Variants in PTPN18 observed in about 807,000 individuals in gnomAD.
PTPN18 encodes the protein protein tyrosine phosphatase non-receptor type 18, also known as tyrosine-protein phosphatase non-receptor type 18.
A neutral mutation model predicts 65.4 loss-of-function variants in PTPN18; 65 were observed. The observed-to-expected ratio is 0.99, with a 90% CI of 0.81 to 1.22. The LOEUF (loss-of-function observed/expected upper bound fraction) is 1.22, where lower values mean the gene tolerates loss of function less well. Among genes scored for constraint, PTPN18 ranks in the 50% most tolerant of loss-of-function variants. PTPN18 has a pLI of 0.00. For missense variants in PTPN18, 616 were observed against 646.5 expected, an observed-to-expected ratio of 0.95 and a Z score of 0.51; for synonymous variants, 255 against 267.8, an observed-to-expected ratio of 0.95 and a Z score of 0.47.
At position 130,370,771 on chromosome 2, in the gene PTPN18, G is replaced by A. The variant is rs781172266; in HGVS notation, c.823G>A (p.Val275Met). ...GATGAGGAAGCAGCGGCCTGCGGCC[G>A]TGCAGACAGAGGTGAACCCTGGGTC... ...LKMRKQRPAA[V>M]QTEEQYRFLY... Residue 275 changes from valine (V) to methionine (M), a missense_variant, in exon 10 of 15, where the codon GTG becomes ATG. Physicochemically the swap from Val to Met is conservative, Grantham distance 21 (BLOSUM62 1). Transcript: ENST00000175756. 17 of 1,614,068 alleles carry A rather than the reference G, an allele frequency of 1.1e-5. No individual in the cohort carries two copies. Among genetic ancestry groups the A allele is most frequent in the Middle Eastern group, 1.6e-4 (1 of 6,062 alleles).
chr2:130,370,995 C>A (rs758712386), intron 11 of PTPN18, 31 bp downstream of exon 11: 1 of 1,597,066 alleles, frequency 6.3e-7, no homozygotes, highest in South Asian at 1.1e-5. Flanking sequence ...CTCTCCTGTC[C>A]ACCATCAGCA....
Position 130,369,763 on chromosome 2 carries a change from A to G in PTPN18, c.484-2A>G. The G allele has an allele frequency of 1.3e-6, 2 of 1,588,408 alleles. No homozygotes were observed. The highest frequency in any genetic ancestry group is 1.7e-6 in the Non-Finnish European group (2 of 1,157,774). ...CTTACTTGCCCCACCCCCCTTACTC[A>G]GATAAAGGAGAAGTGGCTGAATGAG... On this transcript the variant is annotated splice_acceptor_variant, in intron 6 of 14. Transcript: ENST00000175756. LOFTEE classifies it high-confidence loss of function.
chr2:130,373,056 A>T lies in PTPN18; in HGVS notation c.1316-101A>T. ...AGTCCTGTGGATGTGGCTGCAGTGAACCAGGAGGACCTGGAGGCGGGGGGA... is the reference window on the plus strand; with the variant it reads ...AGTCCTGTGGATGTGGCTGCAGTGATCCAGGAGGACCTGGAGGCGGGGGGA... On this transcript the variant is annotated intron_variant, in intron 14 of 14. Transcript: ENST00000175756. The surrounding 1 kb of genome is among the most constrained non-coding windows in gnomAD (Gnocchi z 4.1). 1 of 1,545,524 alleles carries T rather than the reference A, an allele frequency of 6.5e-7. No individual in the cohort carries two copies. Among genetic ancestry groups the T allele is most frequent in the Non-Finnish European group, 8.9e-7 (1 of 1,126,832 alleles).
chr2:130,372,970 T>G, intron 14 of PTPN18, 23 bp downstream of exon 14: 1 of 1,613,808 alleles, frequency 6.2e-7, no homozygotes, highest in Non-Finnish European at 8.5e-7. Context: ...GAGCCTGGGT[T>G]GCTGGGACTT....
chr2:130,371,186 TGTTTTTC>T lies in PTPN18; in HGVS notation c.925-12_925-6del. On this transcript the variant is annotated splice_polypyrimidine_tract_variant and splice_region_variant and intron_variant, in intron 11 of 14. Transcript: ENST00000175756. The stretch of plus-strand genomic sequence containing the variant: ...TTCCTCCCTCAGGAGCCTCCCCTCC[TGTTTTTC>T]TTCAGAATTGTGCCCCACTCTACGA... 1 of 1,591,160 alleles carries T rather than the reference TGTTTTTC, an allele frequency of 6.3e-7. No individual in the cohort carries two copies. The highest frequency in any genetic ancestry group is 8.6e-7 in the Non-Finnish European group (1 of 1,161,776).
chr2:130,358,315 C>T (rs1192861457), intron 1 of PTPN18, among the ~76,000 whole-genome samples: 1 of 152,126 alleles, frequency 6.6e-6, no homozygotes, highest in Admixed American at 6.6e-5. Context: ...ACACGATTCA[C>T]TAATTATTAT....
intron 4 of PTPN18, 32 bp downstream of exon 4, chr2:130,359,524 G>A (rs1256698950): frequency 4.3e-6 from 7 of 1,612,984 alleles, no homozygotes; most frequent in Admixed American, 1.7e-5. Flanking sequence ...ACAATGGTGG[G>A]GTCAACATCT....
In PTPN18 at chr2:130,374,300, A is replaced by C. The variant is rs1573869939; in HGVS notation, c.*1076A>C. 1 of 241,506 alleles carries C rather than the reference A, an allele frequency of 4.1e-6. No homozygotes were observed. The highest frequency in any genetic ancestry group is 5.1e-5 in the South Asian group (1 of 19,554). 15.0% of individuals were successfully genotyped at this position (241,506 alleles called of 1,614,324 possible). ...CAACCAGACTGACCCCTTACTATTC[A>C]CACAGCCTGCCGAGTAGCTGGGACT... On this transcript the variant is annotated 3_prime_UTR_variant, in exon 15 of 15. Transcript: ENST00000175756.
At chr2:130,356,670 C>T in intron 1 of PTPN18, 1 of 463,366 alleles carries the variant, frequency 2.2e-6, no homozygotes, top group Non-Finnish European at 4.5e-6. Flanking sequence ...GAACGCCGGG[C>T]TCGAATCCGC....
At position 130,358,795 on chromosome 2, in the gene PTPN18, G is replaced by A. The variant is rs1429668237; in HGVS notation, c.94-72G>A. 2.3e-6 allele frequency: 3 copies of A among 1,291,888 alleles called. No homozygotes were observed. In the African/African-American group the frequency reaches 4.4e-5, roughly 19 times the overall value. 80.0% of individuals were successfully genotyped at this position (1,291,888 alleles called of 1,614,324 possible). On this transcript the variant is annotated intron_variant, in intron 1 of 14. Transcript: ENST00000175756. ...CTTTGTATCCTGCAAGCGTGCCTAG[G>A]TGGCCTGGGACTCTGACCTGGCTCC...
chr2:130,359,155 T>C lies in PTPN18; in HGVS notation c.203-78T>C. On this transcript the variant is annotated intron_variant, in intron 2 of 14. Transcript: ENST00000175756. The stretch of plus-strand genomic sequence containing the variant: ...TGCATGTGTGTGGTCCCCTGCTGGC[T>C]TTCAGCTAGGGGGCTGTCAGAGGCT... 3 of 1,566,198 alleles carry C rather than the reference T, an allele frequency of 1.9e-6. No individual in the cohort carries two copies. In the South Asian group the frequency reaches 3.3e-5, roughly 17 times the overall value.
intron 5 of PTPN18, among the ~76,000 whole-genome samples, chr2:130,366,283 T>A (rs1290930766): frequency 6.6e-6 from 1 of 152,250 alleles, no homozygotes; most frequent in East Asian, 1.9e-4. Flanking sequence ...GCCTACATTC[T>A]GTGCAGACGG....
At chr2:130,370,013 C>G (rs182191981) in intron 7 of PTPN18, 35 bp from the exon 8 acceptor site, 1 of 1,597,138 alleles carries the variant, frequency 6.3e-7, no homozygotes, top group Non-Finnish European at 8.5e-7. Context: ...TCTTTTTTTT[C>G]CTAAGTCTTT....
rs144602154 is a variant in PTPN18, at chr2:130,372,909, A to C, written c.1277A>C (p.Tyr426Ser). Reference protein sequence around the residue: ...ADQSPAGSGAYEDVAGGAQTG... With the variant: ...ADQSPAGSGASEDVAGGAQTG... The stretch of plus-strand genomic sequence containing the variant: ...CAAAGTCCTGCCGGATCTGGCGCCT[A>C]CGAGGACGTGGCGGGTGGAGCTCAG... Residue 426 changes from tyrosine (Y) to serine (S), a missense_variant, in exon 14 of 15, where the codon TAC becomes TCC. Tyr to Ser is a moderately radical substitution (Grantham distance 144). Transcript: ENST00000175756. The C allele has an allele frequency of 1.4e-5, 22 of 1,614,046 alleles. No individual in the cohort carries two copies. The highest frequency in any genetic ancestry group is 1.7e-5 in the Non-Finnish European group (20 of 1,180,022).
rs115075182 is a variant in PTPN18, at chr2:130,374,623, C to G, written c.*1399C>G. 1 of 471,344 alleles carries G rather than the reference C, an allele frequency of 2.1e-6. No homozygotes were observed. Among genetic ancestry groups the G allele is most frequent in the East Asian group, 6.9e-5 (1 of 14,398 alleles). The allele number at this position is 471,344 out of a possible 1,614,324, so 29.2% of individuals were successfully genotyped here. On this transcript the variant is annotated 3_prime_UTR_variant, in exon 15 of 15. Transcript: ENST00000175756. ...TGCAAAATGGAAAAAGTATAAGATGCTCTTTCCCTGAACCTCAAGGGTCCC... is the reference window on the plus strand; with the variant it reads ...TGCAAAATGGAAAAAGTATAAGATGGTCTTTCCCTGAACCTCAAGGGTCCC...
In PTPN18 at chr2:130,373,319, C is replaced by A; in HGVS notation, c.*95C>A. Reference sequence around the variant, plus strand: ...CCGTGCGCAGAATGGAAACAGTGGGCCTGGATCAAAGTTAAAGTTTCTCAG... The same window carrying A: ...CCGTGCGCAGAATGGAAACAGTGGGACTGGATCAAAGTTAAAGTTTCTCAG... On this transcript the variant is annotated 3_prime_UTR_variant, in exon 15 of 15. Transcript: ENST00000175756. This position sits in a 1 kb window ranked among gnomAD's most constrained non-coding sequence, Gnocchi z 4.1. 1 of 1,248,880 alleles carries A rather than the reference C, an allele frequency of 8.0e-7. No homozygotes were observed. Among genetic ancestry groups the A allele is most frequent in the Non-Finnish European group, 1.1e-6 (1 of 921,918 alleles). The allele number at this position is 1,248,880 out of a possible 1,614,324, so 77.4% of individuals were successfully genotyped here. A position where few individuals can be genotyped will look rare whatever the true frequency, so the allele number is the denominator to read the frequency against.
At chr2:130,369,915 C>A in intron 7 of PTPN18, 88 bp downstream of exon 7, 1 of 1,538,260 alleles carries the variant, frequency 6.5e-7, no homozygotes, top group Non-Finnish European at 9.0e-7. Context: ...TACTAGTACC[C>A]ACTTCCTCAG....
At chr2:130,358,656 C>A (rs1317670164) in intron 1 of PTPN18, among the ~76,000 whole-genome samples, 1 of 152,150 alleles carries the variant, frequency 6.6e-6, no homozygotes, top group Admixed American at 6.6e-5. Flanking sequence ...TGATTACATG[C>A]CCTTAGCACA....
intron 2 of PTPN18, 73 bp from the exon 3 acceptor site, chr2:130,359,160 G>T: frequency 6.4e-7 from 1 of 1,573,578 alleles, no homozygotes; most frequent in Non-Finnish European, 8.7e-7. Context: ...CTGGCTTTCA[G>T]CTAGGGGGCT....
Sources: gnomAD v4.1 joint callset for allele counts (sites outside exome capture counted in the v4.1 genomes callset) on GRCh38, gnomAD v4.1.1 for gene constraint, Gnocchi (gnomAD v3.1) non-coding constraint, MANE v1.5 for transcripts, NCBI Gene and HGNC (gene_info 2026-07-23, HGNC 2026-07-21) for gene names.